ATM: variants seen among roughly 807,000 people sequenced by gnomAD.
The protein encoded by ATM is ATM serine/threonine kinase.
ATM carries 308 observed loss-of-function variants against 387.0 expected under a neutral mutation model. The ratio of observed to expected loss-of-function variants is 0.80; its 90% CI spans 0.73 to 0.87. The LOEUF (loss-of-function observed/expected upper bound fraction) is 0.87, where lower values mean the gene tolerates loss of function less well. Among genes scored for constraint, ATM ranks in the 40% least tolerant of loss-of-function variants. The pLI, the probability that ATM is intolerant of heterozygous loss-of-function variation, is 0.00. For missense variants in ATM, 3,312 were observed against 3,560.9 expected, an observed-to-expected ratio of 0.93 and a Z score of 1.78; for synonymous variants, 1,156 against 1,187.3, an observed-to-expected ratio of 0.97 and a Z score of 0.54.
chr11:108,246,888 T>C, intron 7 of ATM, 76 bp from the exon 8 acceptor site: 1 of 1,229,674 alleles, frequency 8.1e-7, no homozygotes, highest in East Asian at 2.4e-5. Flanking sequence ...GCTTGACAGC[T>C]GAATAATTTT....
intron 6 of ATM, 96 bp from the exon 7 acceptor site, chr11:108,244,692 G>GTT: frequency 4.2e-6 from 4 of 955,948 alleles, no homozygotes; most frequent in Non-Finnish European, 4.9e-6. Context: ...TTAGGGTTTT[G>GTT]TTTTTTTTTC....
chr11:108,265,403 A>G (rs2135484028), intron 16 of ATM, among the ~76,000 whole-genome samples: 1 of 152,294 alleles, frequency 6.6e-6, no homozygotes, highest in East Asian at 1.9e-4. Flanking sequence ...TATTTAATAA[A>G]TGGTGCTGGG....
chr11:108,357,429 G>C (rs1438003977), intron 61 of ATM, among the ~76,000 whole-genome samples: 2 of 152,230 alleles, frequency 1.3e-5, no homozygotes, highest in Non-Finnish European at 2.9e-5. Flanking sequence ...AGCTCGAACT[G>C]GGTGGAACCC....
At chr11:108,252,540 A>G (rs980738021) in intron 11 of ATM, among the ~76,000 whole-genome samples, 3 of 152,204 alleles carry the variant, frequency 2.0e-5, no homozygotes, top group African/African-American at 7.2e-5. Flanking sequence ...GGATCCAATT[A>G]AAGTACTTTT....
At chr11:108,327,537 C>T in intron 47 of ATM, 108 bp from the exon 48 acceptor site, 1 of 855,052 alleles carries the variant, frequency 1.2e-6, no homozygotes, top group Non-Finnish European at 1.9e-6. Flanking sequence ...TTTTTCCCAC[C>T]CACCAAGGAA....
intron 31 of ATM, among the ~76,000 whole-genome samples, 200 bp from the exon 32 acceptor site, chr11:108,294,727 G>A (rs1048322491): frequency 1.3e-5 from 2 of 152,178 alleles, no homozygotes; most frequent in African/African-American, 2.4e-5. Flanking sequence ...GTGACAGAGC[G>A]AGACTCTGTC....
At position 108,367,027 on chromosome 11, in the gene ATM, A is replaced by G. The variant is rs901595023; in HGVS notation, c.*1519A>G. 4.2e-5 allele frequency: 8 copies of G among 189,046 alleles called. No individual in the cohort carries two copies. Among genetic ancestry groups the G allele is most frequent in the African/African-American group, 1.9e-4 (8 of 42,764 alleles). 11.7% of individuals were successfully genotyped at this position (189,046 alleles called of 1,614,324 possible). A position where few individuals can be genotyped will look rare whatever the true frequency, so the allele number is the denominator to read the frequency against. On this transcript the variant is annotated 3_prime_UTR_variant, in exon 63 of 63. Transcript: ENST00000675843. The stretch of plus-strand genomic sequence containing the variant: ...TTCTGAGACAGAGTCTTGCTCTGTC[A>G]CCCAGGCTGGAGTGCAGTGGCATGA...
chr11:108,309,342 T>A (rs1441577425), intron 38 of ATM, among the ~76,000 whole-genome samples: 2 of 152,232 alleles, frequency 1.3e-5, no homozygotes, highest in Admixed American at 1.3e-4. Flanking sequence ...GAAAATTAAC[T>A]TTAGTTGAGT....
rs587782178 is a variant in ATM at position 108,235,699 on chromosome 11, T to A, written c.361T>A (p.Leu121Ile). 2.5e-6 allele frequency: 4 copies of A among 1,611,958 alleles called. No individual in the cohort carries two copies. Among genetic ancestry groups the A allele is most frequent in the African/African-American group, 1.3e-5 (1 of 74,862 alleles). ...ACCTAGGCTAAAATGTCAAGAACTC[T>A]TAAATTATATCATGGATACAGTGAA... is the stretch of plus-strand genomic sequence containing the variant. ...RAPRLKCQEL[L>I]NYIMDTVKDS... The change falls in exon 5 of 63, where the codon TTA becomes ATA. Residue 121 changes from leucine to isoleucine, a missense_variant. Leu to Ile is a conservative substitution (Grantham distance 5). Transcript: ENST00000675843.
chr11:108,321,323 T>G lies in ATM; in HGVS notation c.6475T>G (p.Cys2159Gly), dbSNP rs150408832. 1.1e-5 allele frequency: 18 copies of G among 1,614,154 alleles called. No individual in the cohort carries two copies. In the African/African-American group the frequency reaches 2.4e-4, roughly 22 times the overall value. Residue 2159 changes from cysteine (C) to glycine (G), a missense_variant, in exon 45 of 63, where the codon TGT becomes GGT. Physicochemically the swap from Cys to Gly is radical, Grantham distance 159. Coordinates refer to ENST00000675843, the MANE Select transcript of ATM (RefSeq NM_000051.4). ...TAGAGTAAAAGAAGTGGAAGAGATG[T>G]GTAAGCGCAGCCTTGAGTCTGTGTA... The part of the protein sequence containing the change: ...YARVKEVEEM[C>G]KRSLESVYSL...
intron 56 of ATM, 48 bp downstream of exon 56, chr11:108,336,009 C>A (rs748488965): frequency 3.4e-6 from 5 of 1,454,912 alleles, no homozygotes; most frequent in Non-Finnish European, 4.8e-6. Context: ...ATAAAAGATG[C>A]CATTTGGTTG....
At chr11:108,322,757 C>T (rs2085328019) in intron 45 of ATM, among the ~76,000 whole-genome samples, 1 of 152,012 alleles carries the variant, frequency 6.6e-6, no homozygotes, top group South Asian at 2.1e-4. Flanking sequence ...AAGTGCTTTT[C>T]TCTTTATAAC....
At chr11:108,345,968 G>A (rs1476557809) in intron 58 of ATM, 60 bp downstream of exon 58, 1 of 1,592,556 alleles carries the variant, frequency 6.3e-7, no homozygotes. Context: ...TTTTATTTTT[G>A]TTTGATTCAG....
chr11:108,237,603 T>G (rs2079342561), intron 5 of ATM, among the ~76,000 whole-genome samples: 1 of 152,186 alleles, frequency 6.6e-6, no homozygotes, highest in Non-Finnish European at 1.5e-5. Flanking sequence ...ATGAGGACTC[T>G]GTGGAAGAAG....
rs1800558 is a variant in ATM at position 108,365,199 on chromosome 11, G to A, written c.8968G>A (p.Glu2990Lys). The A allele has an allele frequency of 2.8e-5, 46 of 1,614,102 alleles. No individual in the cohort carries two copies. The highest frequency in any genetic ancestry group is 5.9e-6 in the Non-Finnish European group (7 of 1,180,048). ...CCCTACTCTGAATGCAGATGACCAA[G>A]AATGCAAACGAAATCTCAGGTGAGC... ...LHPTLNADDQ[E>K]CKRNLSDIDQ... Residue 2990 changes from glutamate (E) to lysine (K), a missense_variant, in exon 62 of 63, where the codon GAA (glutamate) becomes AAA (lysine). This residue lies in a region of ATM where 95 missense variants were observed against 100.3 expected (regional missense o/e 0.95). Coordinates refer to ENST00000675843, the MANE Select transcript of ATM (RefSeq NM_000051.4).
intron 38 of ATM, 59 bp from the exon 39 acceptor site, chr11:108,310,101 T>C (rs2084014144): frequency 3.2e-6 from 5 of 1,546,228 alleles, no homozygotes; most frequent in Non-Finnish European, 4.4e-6. Flanking sequence ...ATCAACATGC[T>C]TTTATTTTGA....
intron 7 of ATM, among the ~76,000 whole-genome samples, chr11:108,245,408 A>C (rs1466618718): frequency 6.6e-6 from 1 of 152,174 alleles, no homozygotes; most frequent in Non-Finnish European, 1.5e-5. Flanking sequence ...AGAAGATAAA[A>C]TACGTAAATT....
At chr11:108,336,311 A>G (rs1429067971) in intron 56 of ATM, 7 of 195,862 alleles carry the variant, frequency 3.6e-5, no homozygotes, top group Non-Finnish European at 6.3e-5. Flanking sequence ...CCCGTTTAAA[A>G]AAGAAGAAGA....
rs745977589 is a variant in ATM, at chr11:108,317,420, A to G, written c.6246A>G (p.Lys2082=). 8.7e-6 allele frequency: 14 copies of G among 1,612,538 alleles called. No homozygotes were observed. The South Asian group carries it at 1.5e-4, about 18-fold the overall frequency. The change falls in exon 43 of 63, where the codon AAA becomes AAG. Residue 2082 remains lysine (K), a synonymous_variant. Transcript: ENST00000675843. ...GLCHILSVYL[K]GLDYENKDWC... ...GCCATATTCTTTCCGTCTATTTAAA[A>G]GGATTGGATTATGAAAATAAAGACT...
Sources: gnomAD v4.1 joint callset for allele counts (sites outside exome capture counted in the v4.1 genomes callset) on GRCh38, gnomAD v4.1.1 for gene constraint, gnomAD v4.1.1 regional missense constraint, MANE v1.5 for transcripts, NCBI Gene and HGNC (gene_info 2026-07-23, HGNC 2026-07-21) for gene names.